The following ARHGEF9 variants were observed in gnomAD, a reference collection of about 807,000 sequenced individuals.
The protein encoded by ARHGEF9 is rho guanine nucleotide exchange factor 9.
ARHGEF9 carries 2 observed loss-of-function variants against 41.3 expected under a neutral mutation model. That is an observed-to-expected ratio of 0.05 (90% CI 0.02 to 0.15). ARHGEF9 has a LOEUF of 0.15. ARHGEF9 is among the 10% of genes least tolerant of loss of function. ARHGEF9 has a pLI of 1.00. For synonymous variants in ARHGEF9, 160 were observed against 154.4 expected (o/e 1.04, Z -0.27); for missense variants, 225 against 424.7 (o/e 0.53, Z 4.13).
intron 8 of ARHGEF9, among the ~76,000 whole-genome samples, chrX:63,647,989 G>A (rs2048239705): frequency 9.0e-6 from 1 of 111,721 alleles, no homozygotes; most frequent in East Asian, 2.8e-4. Context: ...GTACCTGAAA[G>A]TGACAGGGAG....
intron 5 of ARHGEF9, among the ~76,000 whole-genome samples, chrX:63,677,962 C>T (rs1367889286): frequency 1.8e-5 from 2 of 111,921 alleles, no homozygotes; most frequent in Admixed American, 9.4e-5. Flanking sequence ...CTCCTTGGGG[C>T]TAACTTTCAG....
chrX:63,638,397 T>C (rs1358751051), intron 9 of ARHGEF9, among the ~76,000 whole-genome samples, 188 bp from the exon 10 acceptor site: 3 of 111,941 alleles, frequency 2.7e-5, no homozygotes, highest in Non-Finnish European at 1.9e-5. Context: ...ATGGCTACTA[T>C]TGCAACCCTA....
intron 1 of ARHGEF9, among the ~76,000 whole-genome samples, chrX:63,745,685 G>C (rs1415047698): frequency 9.0e-6 from 1 of 111,477 alleles, no homozygotes; most frequent in African/African-American, 3.3e-5. Flanking sequence ...GCAGTGTGTT[G>C]TACTAGGCAC....
chrX:63,678,643 A>C, intron 4 of ARHGEF9, 71 bp from the exon 5 acceptor site: 1 of 709,019 alleles, frequency 1.4e-6, no homozygotes, highest in Non-Finnish European at 2.2e-6. Flanking sequence ...AGTAATGGAA[A>C]GACAGATCAT....
At chrX:63,773,554 A>T (rs2056238558) in intron 1 of ARHGEF9, among the ~76,000 whole-genome samples, 1 of 112,323 alleles carries the variant, frequency 8.9e-6, no homozygotes, top group South Asian at 3.7e-4. Context: ...CTCACAGCAG[A>T]CTGGGAAGAC....
Position 63,706,408 on chromosome X carries a change from G to A in ARHGEF9, c.252C>T (p.Ser84=), listed in dbSNP as rs1367866917. Residue 84 remains serine (S), a synonymous_variant, in exon 3 of 10, where the codon AGC becomes AGT. Transcript: ENST00000671741. The part of the protein sequence containing the change: ...NQEDEVEEGP[S]DVQNGHLDPN... The stretch of plus-strand genomic sequence containing the variant: ...GGTCCAGGTGTCCGTTCTGCACATC[G>A]CTGGGCCCCTCCTCCACCTCATCCT... The A allele has an allele frequency of 1.7e-5, 20 of 1,205,173 alleles. 1 individual carries two copies. In the Middle Eastern group the frequency reaches 9.3e-4, roughly 56 times the overall value.
chrX:63,719,827 G>A (rs1344812469), intron 2 of ARHGEF9: 1 of 293,685 alleles, frequency 3.4e-6, no homozygotes, highest in Non-Finnish European at 5.9e-6. Context: ...GTTGACCTCT[G>A]GCTGGAGAGG....
At chrX:63,721,739 C>T (rs1461071641) in intron 2 of ARHGEF9, among the ~76,000 whole-genome samples, 5 of 110,516 alleles carry the variant, frequency 4.5e-5, no homozygotes, top group African/African-American at 9.9e-5. Flanking sequence ...AAACAGCTGA[C>T]GATGTCGACA....
intron 1 of ARHGEF9, among the ~76,000 whole-genome samples, chrX:63,756,538 T>G (rs1292193198): frequency 8.9e-6 from 1 of 112,540 alleles, no homozygotes; most frequent in African/African-American, 3.2e-5. Flanking sequence ...AGATGAGCTT[T>G]GAAAACATGC....
intron 7 of ARHGEF9, chrX:63,657,577 C>T (rs2048952209): frequency 8.9e-6 from 1 of 111,770 alleles, no homozygotes; most frequent in African/African-American, 3.3e-5. Context: ...TATTGGTTGT[C>T]CCCAGGATCA....
In ARHGEF9 at chrX:63,731,682, C is replaced by G. The variant is rs1452715109; in HGVS notation, c.31-6971G>C. Among the ~76,000 whole-genome samples, 5 of 108,387 alleles carry G rather than the reference C, an allele frequency of 4.6e-5. No individual in the cohort carries two copies. The Admixed American group carries it at 4.9e-4, about 11-fold the overall frequency. 94.1% of individuals were successfully genotyped at this position (108,387 alleles called of 115,157 possible). On this transcript the variant is annotated intron_variant, in intron 1 of 9. Transcript: ENST00000671741. The stretch of plus-strand genomic sequence containing the variant: ...TCAAGTGATTCTCCTGCCTCAGCCT[C>G]TAAAGCAGCTGGGATTACAGGCATC...
At position 63,639,173 on chromosome X, in the gene ARHGEF9, T is replaced by C. The variant is rs781939855; in HGVS notation, c.1391-964A>G. Among the ~76,000 whole-genome samples the C allele has an allele frequency of 1.6e-3, 176 of 111,829 alleles. 2 individuals are homozygous for C. The highest frequency in any genetic ancestry group is 3.7e-3 in the Admixed American group (39 of 10,472). On this transcript the variant is annotated intron_variant, in intron 9 of 9. Coordinates refer to ENST00000671741, the MANE Select transcript of ARHGEF9 (RefSeq NM_001353921.2). ...AACATTACAGTTACTTTTTTTGCCTTTGCTTGATGACTAAGTCCCTTTGCC... is the reference window on the plus strand; with the variant it reads ...AACATTACAGTTACTTTTTTTGCCTCTGCTTGATGACTAAGTCCCTTTGCC...
In ARHGEF9 at chrX:63,638,127, G is replaced by C. The variant is rs374753195; in HGVS notation, c.1473C>G (p.Asp491Glu). 1 of 1,206,942 alleles carries C rather than the reference G, an allele frequency of 8.3e-7. No homozygotes were observed. The highest frequency in any genetic ancestry group is 1.1e-6 in the Non-Finnish European group (1 of 893,214). Residue 491 changes from aspartate to glutamate, a missense_variant, in exon 10 of 10, where the codon GAC becomes GAG. Transcript: ENST00000671741. ...CAAAGACCTGCGACTGAGCGATGCC[G>C]TCGGGGACCAGGTACTGGCCGTGGT... ...PLNHGQYLVP[D>E]GIAQSQVFEF...
chrX:63,717,975 T>C (rs1199028294), intron 2 of ARHGEF9, among the ~76,000 whole-genome samples: 5 of 112,052 alleles, frequency 4.5e-5, no homozygotes, highest in South Asian at 3.7e-4. Flanking sequence ...CTAGTTCAAC[T>C]TAAGGACAAA....
At chrX:63,647,265 A>G in intron 8 of ARHGEF9, among the ~76,000 whole-genome samples, 1 of 111,658 alleles carries the variant, frequency 9.0e-6, no homozygotes, top group Non-Finnish European at 1.9e-5. Flanking sequence ...TTCCAACACT[A>G]TGTTGAATAG....
At chrX:63,654,682 C>A (rs2048771808) in intron 8 of ARHGEF9, among the ~76,000 whole-genome samples, 1 of 111,736 alleles carries the variant, frequency 8.9e-6, no homozygotes, top group African/African-American at 3.2e-5. Context: ...TTTCCATAAA[C>A]TTGAGCTTTC....
intron 7 of ARHGEF9, among the ~76,000 whole-genome samples, chrX:63,661,659 G>C (rs782715638): frequency 9.0e-6 from 1 of 111,403 alleles, no homozygotes; most frequent in African/African-American, 3.3e-5. Context: ...ATTAAAGAAG[G>C]GGTCACATAA....
At chrX:63,778,257 A>G (rs1251919844) in intron 1 of ARHGEF9, among the ~76,000 whole-genome samples, 1 of 112,190 alleles carries the variant, frequency 8.9e-6, no homozygotes, top group Non-Finnish European at 1.9e-5. Flanking sequence ...TGGGGCTTGT[A>G]CCCTCTGAAG....
chrX:63,688,588 G>T (rs1556378167), intron 4 of ARHGEF9, among the ~76,000 whole-genome samples: 1 of 111,967 alleles, frequency 8.9e-6, no homozygotes, highest in African/African-American at 3.2e-5. Flanking sequence ...GGCCAACATG[G>T]TGAAACTCCA....
Sources: allele counts gnomAD v4.1 joint callset (sites outside exome capture counted in the v4.1 genomes callset), GRCh38; gene constraint gnomAD v4.1.1; transcripts MANE v1.5; gene names NCBI Gene and HGNC (gene_info 2026-07-23, HGNC 2026-07-21).